Variants in ECM2 observed in about 807,000 individuals in gnomAD.
The protein encoded by ECM2 is extracellular matrix protein 2, also known as extracellular matrix protein 2, female organ and adipocyte specific.
In ECM2, 57 loss-of-function variants were observed where a neutral mutation model predicts 67.5. The observed-to-expected ratio is 0.84, with a 90% CI of 0.68 to 1.05. The LOEUF (loss-of-function observed/expected upper bound fraction) is 1.05, where lower values mean the gene tolerates loss of function less well. ECM2 is among the 50% of genes least tolerant of loss of function. The pLI is 0.00. For missense variants in ECM2, 741 were observed against 822.8 expected (o/e 0.90, Z 1.22); for synonymous variants, 258 against 294.5 (o/e 0.88, Z 1.27).
At chr9:92,516,118 C>CAG (rs918188741) in intron 3 of ECM2, among the ~76,000 whole-genome samples, 13 of 151,362 alleles carry the variant, frequency 8.6e-5, no homozygotes, top group African/African-American at 3.2e-4. Context: ...GGCTGGAATG[C>CAG]AGTGGCATGA....
At chr9:92,503,732 G>A (rs1846825188) in intron 7 of ECM2, among the ~76,000 whole-genome samples, 1 of 152,108 alleles carries the variant, frequency 6.6e-6, no homozygotes, top group Non-Finnish European at 1.5e-5. Flanking sequence ...TGTTAATTTT[G>A]GTATTTGTTA....
At chr9:92,550,148 A>C in the ECM2 span, among the ~76,000 whole-genome samples, 1 of 152,180 alleles carries the variant, frequency 6.6e-6, no homozygotes, top group Non-Finnish European at 1.5e-5. Flanking sequence ...CTACAATCCT[A>C]GCACTTTGGG....
At chr9:92,542,138 G>T in the ECM2 span, among the ~76,000 whole-genome samples, 4 of 152,086 alleles carry the variant, frequency 2.6e-5, no homozygotes, top group Admixed American at 2.6e-4. Context: ...AGATCATCCG[G>T]TAGTTCTACT....
rs1262225723 is a variant in ECM2 at position 92,533,329 on chromosome 9, ATATATATAT to A, written c.-28+2595_-28+2603del. On this transcript the variant is annotated intron_variant, in intron 1 of 9. Coordinates refer to ENST00000344604, the MANE Select transcript of ECM2 (RefSeq NM_001393.4). The stretch of plus-strand genomic sequence containing the variant: ...AAAAAAAAAAAAAAAAAAAAAAAAA[ATATATATAT>A]ATATATATATATATATATATGCTTT... Among the ~76,000 whole-genome samples, 56 of 43,534 alleles carry A rather than the reference ATATATATAT, an allele frequency of 1.3e-3. No individual in the cohort carries two copies. In the East Asian group the frequency reaches 0.022, roughly 17 times the overall value. 28.6% of individuals were successfully genotyped at this position (43,534 alleles called of 152,430 possible).
chr9:92,542,102 T>C, the ECM2 span, among the ~76,000 whole-genome samples: 7 of 152,262 alleles, frequency 4.6e-5, no homozygotes, highest in African/African-American at 1.7e-4. Context: ...TGTGATTTTA[T>C]TTCCTTTGAG....
At chr9:92,531,135 A>G (rs1848724430) in intron 1 of ECM2, among the ~76,000 whole-genome samples, 1 of 152,038 alleles carries the variant, frequency 6.6e-6, no homozygotes, top group Non-Finnish European at 1.5e-5. Flanking sequence ...TGTAAAATTT[A>G]ATGTTTGAAT....
At chr9:92,504,709 T>A (rs1347242185) in intron 7 of ECM2, among the ~76,000 whole-genome samples, 4 of 152,050 alleles carry the variant, frequency 2.6e-5, no homozygotes, top group South Asian at 2.1e-4. Context: ...TATTTTTTTT[T>A]AATATATCTT....
chr9:92,557,552 G>A, the ECM2 span, among the ~76,000 whole-genome samples: 1 of 152,056 alleles, frequency 6.6e-6, no homozygotes, highest in Non-Finnish European at 1.5e-5. Flanking sequence ...GTTGGACTGG[G>A]TTAATTCAAA....
intron 2 of ECM2, among the ~76,000 whole-genome samples, chr9:92,520,469 G>A (rs1258985120): frequency 6.6e-6 from 1 of 152,120 alleles, no homozygotes; most frequent in Non-Finnish European, 1.5e-5. Context: ...AACAATTGTT[G>A]GCAGGAATGT....
chr9:92,500,259 T>C (rs976259656), intron 9 of ECM2, among the ~76,000 whole-genome samples: 6 of 152,184 alleles, frequency 3.9e-5, no homozygotes, highest in Admixed American at 3.9e-4. Context: ...CCCGGCTCAC[T>C]GCAACCTCTG....
At chr9:92,503,561 C>T (rs1360614988) in intron 7 of ECM2, among the ~76,000 whole-genome samples, 1 of 152,206 alleles carries the variant, frequency 6.6e-6, no homozygotes, top group East Asian at 1.9e-4. Context: ...TTTTTAATAG[C>T]TAGCTGCCTT....
intron 1 of ECM2, among the ~76,000 whole-genome samples, chr9:92,535,344 G>C (rs1189588910): frequency 6.6e-6 from 1 of 152,042 alleles, no homozygotes; most frequent in Non-Finnish European, 1.5e-5. Flanking sequence ...AAACAACTTC[G>C]TAATTGAGTG....
chr9:92,495,810 T>C lies in ECM2; in HGVS notation c.*505A>G, dbSNP rs1003149784. On this transcript the variant is annotated 3_prime_UTR_variant, in exon 10 of 10. Transcript: ENST00000344604. ...TGAAAGCTACCCCAATATTCAGTTATATTTATACCAGTAATTATAGCACAG... is the reference window on the plus strand; with the variant it reads ...TGAAAGCTACCCCAATATTCAGTTACATTTATACCAGTAATTATAGCACAG... 39 of 955,036 alleles carry C rather than the reference T, an allele frequency of 4.1e-5. No individual in the cohort carries two copies. Among genetic ancestry groups the C allele is most frequent in the Non-Finnish European group, 4.9e-5 (39 of 802,428 alleles). 59.2% of individuals were successfully genotyped at this position (955,036 alleles called of 1,614,324 possible).
intron 4 of ECM2, among the ~76,000 whole-genome samples, chr9:92,512,926 G>T (rs953053484): frequency 3.9e-5 from 6 of 152,164 alleles, no homozygotes; most frequent in Non-Finnish European, 5.9e-5. Flanking sequence ...ACTTTCCTGA[G>T]CATGAGAGGA....
chr9:92,494,713 C>G (rs975467216), downstream of ECM2, among the ~76,000 whole-genome samples: 1 of 152,064 alleles, frequency 6.6e-6, no homozygotes, highest in Admixed American at 6.5e-5. Context: ...TTGAGACCAT[C>G]CTGGCCAACA....
the ECM2 span, among the ~76,000 whole-genome samples, chr9:92,555,520 C>A: frequency 6.6e-6 from 1 of 152,104 alleles, no homozygotes; most frequent in South Asian, 2.1e-4. Context: ...TGAACCACTG[C>A]GCCTGGCCAG....
chr9:92,495,345 G>T lies in ECM2; in HGVS notation c.*970C>A. 1 of 940,128 alleles carries T rather than the reference G, an allele frequency of 1.1e-6. No homozygotes were observed. Among genetic ancestry groups the T allele is most frequent in the Non-Finnish European group, 1.3e-6 (1 of 788,706 alleles). 58.2% of individuals were successfully genotyped at this position (940,128 alleles called of 1,614,324 possible). On this transcript the variant is annotated 3_prime_UTR_variant, in exon 10 of 10. Coordinates refer to ENST00000344604, the MANE Select transcript of ECM2 (RefSeq NM_001393.4). ...TTAGAAAATTTTAATATATGATTTTGGTAGGGCCAATACATAGTAAAGACA... is the reference window on the plus strand; with the variant it reads ...TTAGAAAATTTTAATATATGATTTTTGTAGGGCCAATACATAGTAAAGACA...
At chr9:92,508,927 G>A (rs1334423319) in intron 6 of ECM2, among the ~76,000 whole-genome samples, 1 of 152,000 alleles carries the variant, frequency 6.6e-6, no homozygotes, top group South Asian at 2.1e-4. Context: ...CAAGAGCTAT[G>A]CTAGACTATT....
chr9:92,539,181 T>TA (rs2131305711), upstream of ECM2: 1 of 152,268 alleles, frequency 6.6e-6, no homozygotes, highest in African/African-American at 2.4e-5. Flanking sequence ...TTGGCCAACG[T>TA]AAGTGGAGTA....
Sources: gnomAD v4.1 joint callset for allele counts (sites outside exome capture counted in the v4.1 genomes callset) on GRCh38, gnomAD v4.1.1 for gene constraint, MANE v1.5 for transcripts, NCBI Gene and HGNC (gene_info 2026-07-23, HGNC 2026-07-21) for gene names.